Variants in SNAP29 observed in about 807,000 individuals in gnomAD.
The protein encoded by SNAP29 is synaptosome associated protein 29.
In SNAP29, 13 loss-of-function variants were observed where a neutral mutation model predicts 27.9. The ratio of observed to expected loss-of-function variants is 0.47; its 90% CI spans 0.30 to 0.74. The LOEUF (loss-of-function observed/expected upper bound fraction) is 0.74. Ranked by LOEUF, SNAP29 falls within the 30% of genes least tolerant of loss-of-function variation. The probability of loss-of-function intolerance (pLI) is 0.06; values close to 1 mark genes in which losing one functional copy is unlikely to be tolerated. For synonymous variants in SNAP29, 119 were observed against 127.1 expected, an observed-to-expected ratio of 0.94 and a Z score of 0.43; for missense variants, 368 against 336.5, an observed-to-expected ratio of 1.09 and a Z score of -0.73.
intron 1 of SNAP29, among the ~76,000 whole-genome samples, chr22:20,869,896 G>T (rs533287275): frequency 1.3e-5 from 2 of 151,882 alleles, no homozygotes; most frequent in Non-Finnish European, 2.9e-5. Context: ...TCAGCCCCCC[G>T]AGTAGCTGGG....
chr22:20,874,192 G>A (rs1471866620), intron 2 of SNAP29, among the ~76,000 whole-genome samples: 3 of 147,208 alleles, frequency 2.0e-5, no homozygotes, highest in Non-Finnish European at 4.6e-5. Flanking sequence ...TGTGTATGGC[G>A]TGAACCCAGG....
At chr22:20,873,949 AGT>A (rs1366153677) in intron 2 of SNAP29, among the ~76,000 whole-genome samples, 1 of 118,634 alleles carries the variant, frequency 8.4e-6, no homozygotes, top group African/African-American at 3.2e-5. Flanking sequence ...CCTGGGTAAC[AGT>A]GAGACTCTGT....
intron 1 of SNAP29, among the ~76,000 whole-genome samples, chr22:20,866,207 C>T (rs575784270): frequency 1.3e-5 from 2 of 152,338 alleles, no homozygotes; most frequent in African/African-American, 4.8e-5. Context: ...GGCACCAGCA[C>T]TACCGCCTTT....
At position 20,883,453 on chromosome 22, in the gene SNAP29, G is replaced by T; in HGVS notation, c.521-18G>T. On this transcript the variant is annotated intron_variant, in intron 3 of 4. Transcript: ENST00000215730. ...AATGTCAATTAACCGCTCTCCTGGT[G>T]TTTCCTTCTAAACTTAGACCCTGTC... 6.6e-7 allele frequency: 1 copy of T among 1,518,256 alleles called. No homozygotes were observed. The highest frequency in any genetic ancestry group is 9.1e-7 in the Non-Finnish European group (1 of 1,093,054). The allele number at this position is 1,518,256 out of a possible 1,614,324, so 94.0% of individuals were successfully genotyped here.
At position 20,890,708 on chromosome 22, in the gene SNAP29, G is replaced by A. The variant is rs111581119; in HGVS notation, c.*2872G>A. 1,404 of 145,166 alleles carry A rather than the reference G, an allele frequency of 9.7e-3. 19 individuals carry two copies. Among genetic ancestry groups the A allele is most frequent in the African/African-American group, 0.037 (1,303 of 35,360 alleles). 9.0% of individuals were successfully genotyped at this position (145,166 alleles called of 1,614,324 possible). On this transcript the variant is annotated 3_prime_UTR_variant, in exon 5 of 5. Transcript: ENST00000215730. ...TGGGAGGCAGAGCTTGCAGTGAGCC[G>A]AGACAGCGCCATTGCACTCCAGCCT...
At chr22:20,887,598 C>G in intron 4 of SNAP29, 81 bp from the exon 5 acceptor site, 1 of 1,482,226 alleles carries the variant, frequency 6.7e-7, no homozygotes, top group Non-Finnish European at 9.4e-7. Flanking sequence ...CTGTCTCTCC[C>G]ACTTACCCAC....
rs1401890992 is a variant in SNAP29, at chr22:20,890,695, C to T, written c.*2859C>T. 1 of 157,288 alleles carries T rather than the reference C, an allele frequency of 6.4e-6. No individual in the cohort carries two copies. The highest frequency in any genetic ancestry group is 1.3e-5 in the Non-Finnish European group (1 of 76,850). The allele number at this position is 157,288 out of a possible 1,614,324, so 9.7% of individuals were successfully genotyped here. On this transcript the variant is annotated 3_prime_UTR_variant, in exon 5 of 5. Transcript: ENST00000215730. ...AATGGCATGAACCTGGGAGGCAGAG[C>T]TTGCAGTGAGCCGAGACAGCGCCAT...
At position 20,859,206 on chromosome 22, in the gene SNAP29, C is replaced by G. The variant is rs1456824044; in HGVS notation, c.96C>G (p.Pro32=). 3 of 1,601,898 alleles carry G rather than the reference C, an allele frequency of 1.9e-6. No individual in the cohort carries two copies. The highest frequency in any genetic ancestry group is 1.7e-6 in the Non-Finnish European group (2 of 1,175,540). Residue 32 remains proline (P), a synonymous_variant, in exon 1 of 5, where the codon CCC becomes CCG. Transcript: ENST00000215730. ...PAPWRDARDL[P]DGPDAPADRQ... is the part of the protein sequence containing the mutation. ...CTTGGAGGGACGCCCGAGACCTCCC[C>G]GACGGGCCCGACGCGCCCGCGGACA...
intron 1 of SNAP29, chr22:20,859,584 G>A (rs1402533101): frequency 1.8e-6 from 1 of 559,124 alleles, no homozygotes; most frequent in Non-Finnish European, 3.2e-6. Context: ...CTGCTTCGTT[G>A]ATTTTTTTTT....
intron 3 of SNAP29, among the ~76,000 whole-genome samples, chr22:20,882,756 T>C (rs761281880): frequency 6.6e-6 from 1 of 152,170 alleles, no homozygotes; most frequent in Non-Finnish European, 1.5e-5. Flanking sequence ...ATATATTAAC[T>C]TAAAAGACTG....
rs767264059 is a variant in SNAP29 at position 20,887,783 on chromosome 22, G to T, written c.724G>T (p.Asp242Tyr). ...TCTTGACCGGCTGACAACCAAAGTG[G>T]ACAAGTTAGATGTCAACATAAAAAG... ...DILDRLTTKVDKLDVNIKSTE... is the reference protein window; with the variant it reads ...DILDRLTTKVYKLDVNIKSTE... Residue 242 changes from aspartate to tyrosine, a missense_variant, in exon 5 of 5, where the codon GAC becomes TAC. Physicochemically the swap from Asp to Tyr is radical, Grantham distance 160. Transcript: ENST00000215730. 8 of 1,614,172 alleles carry T rather than the reference G, an allele frequency of 5.0e-6. No individual in the cohort carries two copies. Among genetic ancestry groups the T allele is most frequent in the Non-Finnish European group, 5.9e-6 (7 of 1,180,020 alleles).
intron 1 of SNAP29, 40 bp downstream of exon 1, chr22:20,859,387 T>C: frequency 7.4e-7 from 1 of 1,356,536 alleles, no homozygotes; most frequent in Non-Finnish European, 1.1e-6. Flanking sequence ...CGCCGGTCTC[T>C]GTGCTGTCAA....
At chr22:20,876,092 T>C (rs925180179) in intron 2 of SNAP29, among the ~76,000 whole-genome samples, 2 of 147,856 alleles carry the variant, frequency 1.4e-5, no homozygotes, top group Non-Finnish European at 3.0e-5. Context: ...ACCCGGGAGG[T>C]GGAGGTTGCA....
At chr22:20,884,011 G>A (rs1928953677) in intron 4 of SNAP29, among the ~76,000 whole-genome samples, 1 of 152,170 alleles carries the variant, frequency 6.6e-6, no homozygotes, top group Admixed American at 6.5e-5. Flanking sequence ...TGGCCACACA[G>A]CCTCCAGCAT....
rs942405079 is a variant in SNAP29, at chr22:20,870,395, A to T, written c.296A>T (p.Asp99Val). Residue 99 changes from aspartate (D) to valine (V), a missense_variant, in exon 2 of 5, where the codon GAC becomes GTC. Coordinates refer to ENST00000215730, the MANE Select transcript of SNAP29 (RefSeq NM_004782.4). ...ACAGAGAAGATGGTGGACAAGATGG[A>T]CCAAGATTTGAAGATCAGCCAGAAA... ...ERTEKMVDKM[D>V]QDLKISQKHI... 1.2e-6 allele frequency: 2 copies of T among 1,614,160 alleles called. No individual in the cohort carries two copies. The highest frequency in any genetic ancestry group is 2.7e-5 in the African/African-American group (2 of 75,038).
At chr22:20,876,013 T>C (rs1460056819) in intron 2 of SNAP29, among the ~76,000 whole-genome samples, 2 of 151,650 alleles carry the variant, frequency 1.3e-5, no homozygotes, top group Non-Finnish European at 2.9e-5. Context: ...TACAAAAAAT[T>C]AGCCAGGGGT....
intron 1 of SNAP29, among the ~76,000 whole-genome samples, chr22:20,865,763 G>T (rs1928444056): frequency 6.6e-6 from 1 of 152,190 alleles, no homozygotes; most frequent in African/African-American, 2.4e-5. Context: ...GCGTCCAGGG[G>T]AAACCAGGCA....
intron 2 of SNAP29, among the ~76,000 whole-genome samples, chr22:20,879,410 G>C (rs189708306): frequency 1.8e-3 from 270 of 151,962 alleles, no homozygotes; most frequent in African/African-American, 6.3e-3. Context: ...ACTTGAGTAG[G>C]CACCTGTAAT....
At chr22:20,873,092 A>T (rs1356745349) in intron 2 of SNAP29, among the ~76,000 whole-genome samples, 1 of 151,884 alleles carries the variant, frequency 6.6e-6, no homozygotes, top group Non-Finnish European at 1.5e-5. Context: ...AGCCTTCCAA[A>T]GTGCTAGGAT....
Sources: gnomAD v4.1 joint callset for allele counts (sites outside exome capture counted in the v4.1 genomes callset) on GRCh38, gnomAD v4.1.1 for gene constraint, MANE v1.5 for transcripts, NCBI Gene and HGNC (gene_info 2026-07-23, HGNC 2026-07-21) for gene names.